CDK5RAP2: variants seen among roughly 807,000 people sequenced by gnomAD.
The protein encoded by CDK5RAP2 is CDK5 regulatory subunit associated protein 2.
In CDK5RAP2, 147 loss-of-function variants were observed where a neutral mutation model predicts 232.9. That is an observed-to-expected ratio of 0.63 (90% CI 0.55 to 0.72). The LOEUF (loss-of-function observed/expected upper bound fraction) is 0.72, where lower values mean the gene tolerates loss of function less well. Ranked by LOEUF, CDK5RAP2 falls within the 30% of genes least tolerant of loss-of-function variation. CDK5RAP2 has a pLI of 0.00. For synonymous variants in CDK5RAP2, 833 were observed against 833.7 expected, an observed-to-expected ratio of 1.00 and a Z score of 0.01; for missense variants, 2,195 against 2,231.5, an observed-to-expected ratio of 0.98 and a Z score of 0.33.
intron 11 of CDK5RAP2, among the ~76,000 whole-genome samples, chr9:120,519,351 T>C (rs1326948547): frequency 6.6e-6 from 1 of 152,122 alleles, no homozygotes; most frequent in Non-Finnish European, 1.5e-5. Flanking sequence ...TAAGTCATTT[T>C]TGAATGGTAG....
chr9:120,478,067 C>A (rs1240726664), intron 14 of CDK5RAP2, among the ~76,000 whole-genome samples: 3 of 152,210 alleles, frequency 2.0e-5, no homozygotes, highest in African/African-American at 7.2e-5. Flanking sequence ...TTCACATTCA[C>A]AAATGTGAAA....
intron 27 of CDK5RAP2, among the ~76,000 whole-genome samples, chr9:120,416,575 CATA>C (rs2034235459): frequency 6.6e-6 from 1 of 152,162 alleles, no homozygotes; most frequent in African/African-American, 2.4e-5. Flanking sequence ...TACATTTTAA[CATA>C]ATACTTAATA....
chr9:120,389,260 GCATGTTC>G lies in CDK5RAP2; in HGVS notation c.5651_5657del (p.Gly1884AlafsTer37), dbSNP rs752163441. ...CTCAGGAGCCTGGTCTGCTGGGACT[GCATGTTC>G]CTGGATGGGCTCCCCCAGGCCTAAG... is the stretch of plus-strand genomic sequence containing the variant. On this transcript the variant is annotated frameshift_variant, in exon 38 of 38. Transcript: ENST00000349780. LOFTEE classifies it high-confidence loss of function. 1.1e-5 allele frequency: 17 copies of G among 1,612,724 alleles called. No individual in the cohort carries two copies. The highest frequency in any genetic ancestry group is 1.4e-5 in the Non-Finnish European group (17 of 1,179,392).
At chr9:120,527,511 T>G (rs1293986683) in intron 10 of CDK5RAP2, among the ~76,000 whole-genome samples, 1 of 15,190 alleles carries the variant, frequency 6.6e-5, no homozygotes, top group Admixed American at 1.2e-3. Context: ...GATTATGTTT[T>G]GGGGGGGGAT....
At chr9:120,528,709 T>C in intron 9 of CDK5RAP2, 35 bp downstream of exon 9, 1 of 1,343,246 alleles carries the variant, frequency 7.4e-7, no homozygotes, top group Non-Finnish European at 1.1e-6. Context: ...ATAGGCTAAA[T>C]CTTCAATACA....
chr9:120,531,510 T>C (rs1465125594), intron 7 of CDK5RAP2, among the ~76,000 whole-genome samples: 2 of 152,146 alleles, frequency 1.3e-5, no homozygotes, highest in Non-Finnish European at 2.9e-5. Context: ...AGCTACAAAA[T>C]AGGGGTGACT....
chr9:120,556,966 G>A (rs1430771906), intron 3 of CDK5RAP2, among the ~76,000 whole-genome samples: 3 of 152,138 alleles, frequency 2.0e-5, no homozygotes, highest in Non-Finnish European at 4.4e-5. Flanking sequence ...TTCCTATAAA[G>A]AGAAACCTTA....
intron 11 of CDK5RAP2, among the ~76,000 whole-genome samples, chr9:120,521,802 C>T (rs1302961709): frequency 2.0e-5 from 3 of 152,078 alleles, no homozygotes; most frequent in African/African-American, 4.8e-5. Context: ...CCCACCACCA[C>T]ACCTGGCTAA....
At chr9:120,557,573 T>A (rs1414038208) in intron 3 of CDK5RAP2, among the ~76,000 whole-genome samples, 1 of 151,990 alleles carries the variant, frequency 6.6e-6, no homozygotes, top group Non-Finnish European at 1.5e-5. Context: ...CTGGACAACA[T>A]GGCGAAACCA....
intron 32 of CDK5RAP2, among the ~76,000 whole-genome samples, chr9:120,404,384 G>T (rs1207399101): frequency 6.6e-6 from 1 of 152,200 alleles, no homozygotes; most frequent in East Asian, 1.9e-4. Context: ...ACAAGGGAGG[G>T]AAACACAGGC....
At chr9:120,455,681 G>A (rs2036730855) in intron 20 of CDK5RAP2, among the ~76,000 whole-genome samples, 1 of 151,378 alleles carries the variant, frequency 6.6e-6, no homozygotes, top group Non-Finnish European at 1.5e-5. Context: ...AGGCTGCAGT[G>A]AACTGAGATC....
intron 8 of CDK5RAP2, 118 bp from the exon 9 acceptor site, chr9:120,528,915 C>T: frequency 2.7e-6 from 2 of 750,710 alleles, no homozygotes; most frequent in Non-Finnish European, 2.4e-6. Context: ...CTGTGGAACT[C>T]GTTAAAACAA....
rs377151934 is a variant in CDK5RAP2 at position 120,568,366 on chromosome 9, T to C, written c.150A>G (p.Glu50=). Residue 50 remains glutamate, a synonymous_variant, in exon 3 of 38, where the codon GAA becomes GAG. Coordinates refer to ENST00000349780, the MANE Select transcript of CDK5RAP2 (RefSeq NM_018249.6). ...GNGLLPNVSE[E]TVSPTRARNM... is the part of the protein sequence containing the mutation. ...TCCGTGCTCTGGTGGGAGACACTGT[T>C]TCTTCTGACACATTTGGGAGCACTG... The C allele has an allele frequency of 6.2e-6, 10 of 1,613,684 alleles. No homozygotes were observed. Among genetic ancestry groups the C allele is most frequent in the Non-Finnish European group, 8.5e-6 (10 of 1,179,646 alleles).
At chr9:120,498,742 C>A (rs946532801) in intron 12 of CDK5RAP2, among the ~76,000 whole-genome samples, 1 of 149,600 alleles carries the variant, frequency 6.7e-6, no homozygotes, top group African/African-American at 2.5e-5. Context: ...TATATATCAA[C>A]GGGTGTGGTG....
At chr9:120,545,686 C>T (rs760852813) in intron 5 of CDK5RAP2, 28 bp downstream of exon 5, 15 of 1,585,310 alleles carry the variant, frequency 9.5e-6, no homozygotes, top group Middle Eastern at 1.7e-4. Context: ...GGGCGACTTG[C>T]AAGCTTTCAA....
chr9:120,472,618 T>C (rs2037776787), intron 15 of CDK5RAP2, among the ~76,000 whole-genome samples: 1 of 152,214 alleles, frequency 6.6e-6, no homozygotes, highest in Admixed American at 6.5e-5. Flanking sequence ...AACTCCACTG[T>C]GGTGGGTGAA....
At chr9:120,546,334 C>A (rs1275175228) in intron 4 of CDK5RAP2, among the ~76,000 whole-genome samples, 1 of 152,202 alleles carries the variant, frequency 6.6e-6, no homozygotes, top group Non-Finnish European at 1.5e-5. Flanking sequence ...CCACATGGGG[C>A]AAGCTGTCTA....
At chr9:120,548,453 T>C (rs1182718284) in intron 4 of CDK5RAP2, among the ~76,000 whole-genome samples, 1 of 152,246 alleles carries the variant, frequency 6.6e-6, no homozygotes, top group Non-Finnish European at 1.5e-5. Flanking sequence ...TACATAATTG[T>C]AATTTCCAAA....
At chr9:120,427,151 G>C (rs559200500) in intron 25 of CDK5RAP2, among the ~76,000 whole-genome samples, 14 of 152,172 alleles carry the variant, frequency 9.2e-5, no homozygotes, top group Non-Finnish European at 1.2e-4. Context: ...TTTTTGTTTG[G>C]CCAGAAATTT....
Sources: gnomAD v4.1 joint callset for allele counts (sites outside exome capture counted in the v4.1 genomes callset) on GRCh38, gnomAD v4.1.1 for gene constraint, MANE v1.5 for transcripts, NCBI Gene and HGNC (gene_info 2026-07-23, HGNC 2026-07-21) for gene names.